The following ADGRL2 variants were observed in gnomAD, a reference collection of about 807,000 sequenced individuals.
ADGRL2 encodes the protein adhesion G protein-coupled receptor L2.
ADGRL2 carries 44 observed loss-of-function variants against 157.4 expected under a neutral mutation model. That is an observed-to-expected ratio of 0.28 (90% CI 0.22 to 0.36). The LOEUF (loss-of-function observed/expected upper bound fraction) is 0.36. Among genes scored for constraint, ADGRL2 ranks in the 10% least tolerant of loss-of-function variants. ADGRL2 has a pLI of 1.00. For synonymous variants in ADGRL2, 585 were observed against 624.7 expected, an observed-to-expected ratio of 0.94 and a Z score of 0.95; for missense variants, 1,510 against 1,768.9, an observed-to-expected ratio of 0.85 and a Z score of 2.63.
At chr1:81,462,717 T>G (rs1028269316) in intron 2 of ADGRL2, among the ~76,000 whole-genome samples, 3 of 152,212 alleles carry the variant, frequency 2.0e-5, no homozygotes, top group African/African-American at 7.2e-5. Context: ...TTAAGACTTT[T>G]TGATCATTCA....
chr1:81,900,339 C>G (rs2094463505), intron 2 of ADGRL2, among the ~76,000 whole-genome samples: 1 of 152,188 alleles, frequency 6.6e-6, no homozygotes, highest in African/African-American at 2.4e-5. Context: ...TTAAAGCCTT[C>G]TAGCATCGGG....
intron 1 of ADGRL2, among the ~76,000 whole-genome samples, chr1:81,435,183 A>G (rs1170819839): frequency 1.3e-5 from 2 of 152,228 alleles, no homozygotes; most frequent in Non-Finnish European, 2.9e-5. Flanking sequence ...TAATAACTCA[A>G]CATTCAATCT....
At chr1:81,425,238 T>A (rs2077190981) in intron 1 of ADGRL2, among the ~76,000 whole-genome samples, 2 of 152,190 alleles carry the variant, frequency 1.3e-5, no homozygotes, top group Non-Finnish European at 2.9e-5. Flanking sequence ...ATCACATATA[T>A]ACACACAACA....
At chr1:81,896,600 T>C (rs1192526437) in intron 2 of ADGRL2, among the ~76,000 whole-genome samples, 1 of 152,164 alleles carries the variant, frequency 6.6e-6, no homozygotes, top group East Asian at 1.9e-4. Context: ...AACTGTGGTC[T>C]TTTTGTTTCT....
At chr1:81,982,311 A>C (rs772179825) in intron 19 of ADGRL2, among the ~76,000 whole-genome samples, 2 of 152,024 alleles carry the variant, frequency 1.3e-5, no homozygotes, top group Non-Finnish European at 2.9e-5. Flanking sequence ...CACTAAAGGC[A>C]TTACAGTGAT....
chr1:81,634,522 T>TTG lies in ADGRL2; in HGVS notation c.-143+53543_-143+53544insGT, dbSNP rs1557523605. ...TAAGTTAGCTATCTTGTTTTTTTTT[T>TTG]TTTGGTTTTTTTGTTTGTTTGTTTG... On this transcript the variant is annotated intron_variant, in intron 3 of 24. Transcript: ENST00000370721. Among the ~76,000 whole-genome samples, 112 of 148,134 alleles carry TTG rather than the reference T, an allele frequency of 7.6e-4. 1 individual carries two copies. Among genetic ancestry groups the TTG allele is most frequent in the African/African-American group, 2.1e-3 (83 of 40,308 alleles).
intron 2 of ADGRL2, among the ~76,000 whole-genome samples, chr1:81,461,349 C>A (rs933816976): frequency 1.3e-5 from 2 of 150,420 alleles, no homozygotes; most frequent in African/African-American, 4.9e-5. Flanking sequence ...AAGAACATAT[C>A]AGATGTTTGT....
intron 21 of ADGRL2, 48 bp from the exon 22 acceptor site, chr1:81,986,853 C>A: frequency 6.4e-7 from 1 of 1,571,518 alleles, no homozygotes; most frequent in Non-Finnish European, 8.6e-7. Context: ...AAATAAGAAA[C>A]TGATGTACTT....
intron 3 of ADGRL2, among the ~76,000 whole-genome samples, chr1:81,694,174 TCA>T (rs1192483504): frequency 6.6e-6 from 1 of 152,108 alleles, no homozygotes; most frequent in African/African-American, 2.4e-5. Context: ...AGGGTATAGA[TCA>T]TATGAAAAAC....
At chr1:81,803,626 C>T (rs1571307147) in intron 1 of ADGRL2, among the ~76,000 whole-genome samples, 1 of 151,986 alleles carries the variant, frequency 6.6e-6, no homozygotes, top group African/African-American at 2.4e-5. Flanking sequence ...GAATGTTTTC[C>T]TCCTGTTTCT....
In ADGRL2 at chr1:81,943,763, G is replaced by T; in HGVS notation, c.1204G>T (p.Ala402Ser). 6.2e-7 allele frequency: 1 copy of T among 1,611,386 alleles called. No individual in the cohort carries two copies. Reference sequence around the variant, plus strand: ...TCTGGAGTTTGGTCCACCTGATCCTGCCCAAGGTAAGCGTGTTTACTTGCT... The same window carrying T: ...TCTGGAGTTTGGTCCACCTGATCCTTCCCAAGGTAAGCGTGTTTACTTGCT... ...YSLEFGPPDP[A>S]QVPTTAVTIT... The change falls in exon 6 of 24, where the codon GCC becomes TCC. Residue 402 changes from alanine (A) to serine (S), a missense_variant. Coordinates refer to ENST00000686636, the MANE Select transcript of ADGRL2 (RefSeq NM_001366006.2). This position sits in a 1 kb window ranked among gnomAD's most constrained non-coding sequence, Gnocchi z 5.6.
At chr1:81,772,431 GA>G (rs201234425) in intron 2 of ADGRL2, among the ~76,000 whole-genome samples, 14 of 150,092 alleles carry the variant, frequency 9.3e-5, no homozygotes, top group African/African-American at 2.9e-4. Flanking sequence ...AAGCTTTGGT[GA>G]AAAAAAAATG....
At chr1:81,717,669 T>G (rs1345615143) in intron 1 of ADGRL2, among the ~76,000 whole-genome samples, 1 of 152,208 alleles carries the variant, frequency 6.6e-6, no homozygotes, top group African/African-American at 2.4e-5. Context: ...GTTGCCTAAG[T>G]CTTGGGTTTC....
At chr1:81,964,510 T>C (rs900755415) in intron 11 of ADGRL2, among the ~76,000 whole-genome samples, 1 of 152,150 alleles carries the variant, frequency 6.6e-6, no homozygotes, top group African/African-American at 2.4e-5. Flanking sequence ...AGCAGTTACA[T>C]GATGCTCATT....
intron 1 of ADGRL2, among the ~76,000 whole-genome samples, chr1:81,739,553 C>T (rs2085007013): frequency 6.6e-6 from 1 of 152,184 alleles, no homozygotes; most frequent in African/African-American, 2.4e-5. Flanking sequence ...ATAAGCTACT[C>T]TATTTTCTAC....
intron 3 of ADGRL2, among the ~76,000 whole-genome samples, chr1:81,593,486 A>G (rs546827563): frequency 1.3e-5 from 2 of 152,316 alleles, no homozygotes; most frequent in South Asian, 4.1e-4. Context: ...TGTTTACAAT[A>G]GTATTTAGTG....
At position 81,966,157 on chromosome 1, in the gene ADGRL2, A is replaced by T. The variant is rs1315386617; in HGVS notation, c.2117A>T (p.Asn706Ile). Residue 706 changes from asparagine (N) to isoleucine (I), a missense_variant, in exon 12 of 24, where the codon AAT becomes ATT. This residue lies in a region of ADGRL2 where 497 missense variants were observed against 627.2 expected (regional missense o/e 0.79). Transcript: ENST00000686636. ...GGCAGCTCAATCCAACTGTCCGCAA[A>T]TACCGTCAAACAGAACAGCAGGAAT... Reference protein sequence around the residue: ...GAGSSIQLSANTVKQNSRNGL... With the variant: ...GAGSSIQLSAITVKQNSRNGL... 6.2e-7 allele frequency: 1 copy of T among 1,614,094 alleles called. No homozygotes were observed. Among genetic ancestry groups the T allele is most frequent in the Admixed American group, 1.7e-5 (1 of 60,008 alleles).
At chr1:81,588,250 A>G (rs2081065818) in intron 3 of ADGRL2, 1 of 152,162 alleles carries the variant, frequency 6.6e-6, no homozygotes, top group Admixed American at 6.6e-5. Context: ...CTGAGGGCTA[A>G]TCTTTGGGAA....
At chr1:81,384,011 T>C (rs2076392438) in intron 1 of ADGRL2, among the ~76,000 whole-genome samples, 1 of 151,022 alleles carries the variant, frequency 6.6e-6, no homozygotes, top group African/African-American at 2.4e-5. Context: ...ATTTGGTACA[T>C]ATTTGGAGAC....
Sources: gnomAD v4.1 joint callset for allele counts (sites outside exome capture counted in the v4.1 genomes callset) on GRCh38, gnomAD v4.1.1 for gene constraint, gnomAD v4.1.1 regional missense constraint, Gnocchi (gnomAD v3.1) non-coding constraint, MANE v1.5 for transcripts, NCBI Gene and HGNC (gene_info 2026-07-23, HGNC 2026-07-21) for gene names.